The following ABCC4 variants were observed in gnomAD, a reference collection of about 807,000 sequenced individuals.
ABCC4 encodes the protein ATP binding cassette subfamily C member 4 (PEL blood group).
Under a neutral mutation model 168.5 loss-of-function variants are expected in ABCC4, and 102 were observed. The observed-to-expected ratio is 0.61, with a 90% CI of 0.52 to 0.71. The LOEUF is 0.71. Among genes scored for constraint, ABCC4 ranks in the 30% least tolerant of loss-of-function variants. The pLI is 0.00. For synonymous variants in ABCC4, 617 were observed against 590.7 expected (o/e 1.04, Z -0.65); for missense variants, 1,402 against 1,605.8 (o/e 0.87, Z 2.17).
intron 3 of ABCC4, among the ~76,000 whole-genome samples, chr13:95,246,020 C>A (rs1193824997): frequency 5.3e-5 from 8 of 152,094 alleles, no homozygotes; most frequent in African/African-American, 1.4e-4. Context: ...ACAGAGGACA[C>A]AAGTCACCCA....
intron 26 of ABCC4, among the ~76,000 whole-genome samples, chr13:95,059,452 C>A (rs1376039963): frequency 6.6e-6 from 1 of 152,214 alleles, no homozygotes; most frequent in Non-Finnish European, 1.5e-5. Context: ...AGCCCCTGTT[C>A]TCACGCAGGG....
At chr13:95,187,007 A>C in intron 10 of ABCC4, 115 bp from the exon 11 acceptor site, 2 of 828,534 alleles carry the variant, frequency 2.4e-6, no homozygotes, top group Non-Finnish European at 3.5e-6. Context: ...CATTCATTTA[A>C]AAGAGCACAG....
At chr13:95,145,833 C>A (rs780719841) in intron 19 of ABCC4, among the ~76,000 whole-genome samples, 2 of 152,080 alleles carry the variant, frequency 1.3e-5, no homozygotes, top group Non-Finnish European at 2.9e-5. Context: ...TTATCCCAAG[C>A]AAATTAACAA....
At chr13:95,039,065 C>A (rs1157168781) in intron 29 of ABCC4, among the ~76,000 whole-genome samples, 3 of 152,080 alleles carry the variant, frequency 2.0e-5, no homozygotes, top group African/African-American at 7.2e-5. Context: ...AGTTAGGATG[C>A]ACATGAAAAA....
At chr13:95,124,000 G>A (rs1015073743) in intron 19 of ABCC4, among the ~76,000 whole-genome samples, 4 of 152,192 alleles carry the variant, frequency 2.6e-5, no homozygotes, top group African/African-American at 7.2e-5. Flanking sequence ...AGGGTGACGG[G>A]ATGACAAATA....
chr13:95,196,668 G>A (rs1396664342), intron 8 of ABCC4, among the ~76,000 whole-genome samples: 36 of 36,284 alleles, frequency 9.9e-4, no homozygotes, highest in Admixed American at 2.0e-3. Flanking sequence ...AAGGAAGGAA[G>A]GAAGGAAGGA....
chr13:95,115,892 T>C, intron 20 of ABCC4, 30 bp downstream of exon 20: 4 of 1,584,608 alleles, frequency 2.5e-6, no homozygotes, highest in Non-Finnish European at 3.4e-6. Flanking sequence ...CGTTTTCCAT[T>C]TGAGATCCTG....
intron 9 of ABCC4, 85 bp from the exon 10 acceptor site, chr13:95,188,627 C>A: frequency 1.9e-6 from 2 of 1,075,938 alleles, no homozygotes; most frequent in South Asian, 1.5e-5. Context: ...ATACAACAGT[C>A]ATTGATACAT....
chr13:95,159,093 TTATATATATA>T (rs554884258), intron 19 of ABCC4, among the ~76,000 whole-genome samples: 9,110 of 61,008 alleles, frequency 0.15, 963 homozygotes, highest in African/African-American at 0.29. Context: ...TAAATAAATT[TTATATATATA>T]TATATATATA....
At chr13:95,273,720 T>C (rs2040899025) in intron 1 of ABCC4, among the ~76,000 whole-genome samples, 1 of 151,532 alleles carries the variant, frequency 6.6e-6, no homozygotes, top group Non-Finnish European at 1.5e-5. Context: ...AGGGATCCAA[T>C]GGGAGATAAT....
intron 19 of ABCC4, among the ~76,000 whole-genome samples, chr13:95,156,832 C>G (rs968324461): frequency 6.6e-6 from 1 of 152,096 alleles, no homozygotes; most frequent in Admixed American, 6.6e-5. Flanking sequence ...GTAGCTCACG[C>G]CTGTAATCCC....
chr13:95,087,590 G>T (rs532698335), intron 20 of ABCC4, among the ~76,000 whole-genome samples: 1 of 152,180 alleles, frequency 6.6e-6, no homozygotes, highest in Non-Finnish European at 1.5e-5. Context: ...TATGAACAGG[G>T]TATACAAACC....
intron 3 of ABCC4, among the ~76,000 whole-genome samples, chr13:95,237,424 C>T (rs9516546): frequency 0.18 from 27,929 of 152,146 alleles, 3,497 homozygotes; most frequent in Non-Finnish European, 0.28. Flanking sequence ...CATAAATTCT[C>T]CACCTTAGAG....
chr13:95,036,494 A>T (rs1289847649), intron 29 of ABCC4, among the ~76,000 whole-genome samples: 2 of 151,834 alleles, frequency 1.3e-5, no homozygotes, highest in Non-Finnish European at 2.9e-5. Context: ...AAAATTGACC[A>T]GAATCTAAAA....
At chr13:95,281,940 C>G (rs943594545) in intron 1 of ABCC4, among the ~76,000 whole-genome samples, 1 of 152,086 alleles carries the variant, frequency 6.6e-6, no homozygotes, top group Non-Finnish European at 1.5e-5. Flanking sequence ...AACCCCGTCT[C>G]TACTAAAAAT....
chr13:95,078,860 T>A (rs1243205852), intron 21 of ABCC4, among the ~76,000 whole-genome samples: 1 of 152,172 alleles, frequency 6.6e-6, no homozygotes. Flanking sequence ...AGTCCTGGAA[T>A]GAAATTCTTC....
At chr13:95,278,729 G>A (rs2041034011) in intron 1 of ABCC4, among the ~76,000 whole-genome samples, 1 of 149,364 alleles carries the variant, frequency 6.7e-6, no homozygotes, top group South Asian at 2.2e-4. Context: ...CCCGAGCACA[G>A]GGAGGTTGAG....
chr13:95,054,624 T>G (rs16950515), intron 26 of ABCC4, among the ~76,000 whole-genome samples: 8,729 of 151,650 alleles, frequency 0.058, 306 homozygotes, highest in African/African-American at 0.088. Context: ...CATAAGGATA[T>G]AGGAGCCCCA....
intron 13 of ABCC4, among the ~76,000 whole-genome samples, chr13:95,173,999 T>C (rs191803014): frequency 6.6e-6 from 1 of 152,330 alleles, no homozygotes; most frequent in East Asian, 1.9e-4. Flanking sequence ...ATTGTTTATA[T>C]GGAGTACCTA....
Sources: allele counts gnomAD v4.1 joint callset (sites outside exome capture counted in the v4.1 genomes callset), GRCh38; gene constraint gnomAD v4.1.1; transcripts MANE v1.5; gene names NCBI Gene and HGNC (gene_info 2026-07-23, HGNC 2026-07-21).